COL4A2: variants seen among roughly 807,000 people sequenced by gnomAD.
COL4A2 encodes collagen alpha-2(IV) chain.
Under a neutral mutation model 200.2 loss-of-function variants are expected in COL4A2, and 99 were observed. That is an observed-to-expected ratio of 0.49 (90% CI 0.42 to 0.58). The LOEUF is 0.58. Ranked by LOEUF, COL4A2 falls within the 20% of genes least tolerant of loss-of-function variation. The pLI is 0.00. For missense variants in COL4A2, 1,950 were observed against 2,314.1 expected (o/e 0.84, Z 3.23); for synonymous variants, 897 against 900.6 (o/e 1.00, Z 0.07).
At chr13:110,506,631 G>T (rs377495211) in intron 46 of COL4A2, 25 bp downstream of exon 46, 1 of 1,579,992 alleles carries the variant, frequency 6.3e-7, no homozygotes, top group South Asian at 1.2e-5. Context: ...CCCGGCCCCC[G>T]TTGCCTGCTC....
chr13:110,316,743 G>T lies in COL4A2; in HGVS notation c.99+8620G>T, dbSNP rs891566864. Among the ~76,000 whole-genome samples, 4 of 152,162 alleles carry T rather than the reference G, an allele frequency of 2.6e-5. No homozygotes were observed. The East Asian group carries it at 7.7e-4, about 29-fold the overall frequency. On this transcript the variant is annotated intron_variant, in intron 3 of 47. Coordinates refer to ENST00000360467, the MANE Select transcript of COL4A2 (RefSeq NM_001846.4). Reference sequence around the variant, plus strand: ...CTGAGGCATGTGCAGGAAGGCACCTGGTAGGTCAATAGGAACAAAGTGGGG... The same window carrying T: ...CTGAGGCATGTGCAGGAAGGCACCTTGTAGGTCAATAGGAACAAAGTGGGG...
intron 3 of COL4A2, among the ~76,000 whole-genome samples, chr13:110,338,053 C>T (rs1294340852): frequency 2.6e-5 from 4 of 152,226 alleles, no homozygotes; most frequent in African/African-American, 4.8e-5. Context: ...TTTATGCCAC[C>T]GTGATAGGAA....
chr13:110,400,629 G>A (rs558641382), intron 4 of COL4A2, among the ~76,000 whole-genome samples: 17 of 152,158 alleles, frequency 1.1e-4, no homozygotes, highest in Admixed American at 9.8e-4. Context: ...TTTCCAAAAG[G>A]GGGAAAAATA....
intron 4 of COL4A2, among the ~76,000 whole-genome samples, chr13:110,381,426 A>C (rs1878488634): frequency 6.6e-6 from 1 of 152,230 alleles, no homozygotes; most frequent in Non-Finnish European, 1.5e-5. Context: ...ATTCTTTAAA[A>C]ATCTAAAATA....
At chr13:110,482,720 T>A in intron 32 of COL4A2, 61 bp downstream of exon 32, 2 of 1,549,302 alleles carry the variant, frequency 1.3e-6, no homozygotes, top group Non-Finnish European at 1.8e-6. Flanking sequence ...TTACCCTTTC[T>A]TGGTGGCATA....
chr13:110,431,557 C>T (rs914191389), intron 10 of COL4A2, among the ~76,000 whole-genome samples: 10 of 152,168 alleles, frequency 6.6e-5, no homozygotes, highest in African/African-American at 1.7e-4. Flanking sequence ...CAGGGTCATA[C>T]GAGGCGCTGT....
At chr13:110,449,858 G>T in intron 19 of COL4A2, 69 bp downstream of exon 19, 1 of 1,468,604 alleles carries the variant, frequency 6.8e-7, no homozygotes, top group Middle Eastern at 2.4e-4. Flanking sequence ...GCACACACAA[G>T]GGAGACTTCG....
intron 3 of COL4A2, among the ~76,000 whole-genome samples, chr13:110,322,382 G>T (rs1319043502): frequency 6.6e-6 from 1 of 152,234 alleles, no homozygotes; most frequent in Non-Finnish European, 1.5e-5. Context: ...GAGGGAACCG[G>T]GTGTCTGGGT....
chr13:110,351,631 A>G (rs1329015949), intron 3 of COL4A2, among the ~76,000 whole-genome samples: 2 of 152,228 alleles, frequency 1.3e-5, no homozygotes, highest in Non-Finnish European at 2.9e-5. Flanking sequence ...AGAGCTTACA[A>G]TAATCAGACT....
chr13:110,425,455 A>G (rs767129758), intron 6 of COL4A2, among the ~76,000 whole-genome samples: 2 of 152,200 alleles, frequency 1.3e-5, no homozygotes, highest in Non-Finnish European at 2.9e-5. Flanking sequence ...TCATGAGAAA[A>G]ATCTCAAAAT....
At chr13:110,434,534 A>C in intron 12 of COL4A2, 92 bp downstream of exon 12, 1 of 1,353,774 alleles carries the variant, frequency 7.4e-7, no homozygotes, top group Non-Finnish European at 1.0e-6. Context: ...GTGCTGTAAA[A>C]CTTTTACCTT....
At chr13:110,505,751 C>T (rs1469113232) in intron 45 of COL4A2, among the ~76,000 whole-genome samples, 2 of 152,204 alleles carry the variant, frequency 1.3e-5, no homozygotes, top group African/African-American at 4.8e-5. Context: ...AGTGCGCAGT[C>T]AGCATGGCCT....
chr13:110,327,318 C>T (rs1184798896), intron 3 of COL4A2, among the ~76,000 whole-genome samples: 2 of 152,210 alleles, frequency 1.3e-5, no homozygotes, highest in Non-Finnish European at 2.9e-5. Context: ...GGGTCCTCAC[C>T]AACCCCCAAG....
intron 4 of COL4A2, among the ~76,000 whole-genome samples, chr13:110,413,834 A>G (rs1388230606): frequency 6.6e-6 from 1 of 152,220 alleles, no homozygotes; most frequent in Non-Finnish European, 1.5e-5. Flanking sequence ...GACCCTCAGC[A>G]TGTGGGACCC....
At chr13:110,506,099 C>T (rs1002714644) in intron 45 of COL4A2, among the ~76,000 whole-genome samples, 4 of 152,150 alleles carry the variant, frequency 2.6e-5, no homozygotes, top group Admixed American at 6.5e-5. Context: ...TCCTGGGTCC[C>T]GAGGTTTCTG....
intron 20 of COL4A2, among the ~76,000 whole-genome samples, chr13:110,451,313 A>G (rs745934608): frequency 4.2e-4 from 64 of 152,260 alleles, no homozygotes; most frequent in Admixed American, 7.2e-4. Flanking sequence ...GACGGCTTCA[A>G]ATACAGCCCA....
At position 110,436,331 on chromosome 13, in the gene COL4A2, G is replaced by T. The variant is rs778452032; in HGVS notation, c.789G>T (p.Ala263=). The T allele has an allele frequency of 6.2e-7, 1 of 1,613,680 alleles. No individual in the cohort carries two copies. Among genetic ancestry groups the T allele is most frequent in the Non-Finnish European group, 8.5e-7 (1 of 1,179,958 alleles). ...IPSDTLHPII[A]PTGVTFHPDQ... ...CAGACACCCTCCACCCCATCATCGC[G>T]CCCACAGGAGTCACCTTCCACCCAG... The change falls in exon 13 of 48, where the codon GCG becomes GCT. Residue 263 remains alanine (A), a synonymous_variant. Coordinates refer to ENST00000360467, the MANE Select transcript of COL4A2 (RefSeq NM_001846.4).
At chr13:110,367,084 T>A (rs928731962) in intron 4 of COL4A2, among the ~76,000 whole-genome samples, 1 of 152,164 alleles carries the variant, frequency 6.6e-6, no homozygotes, top group Non-Finnish European at 1.5e-5. Flanking sequence ...TCTAGGAGAA[T>A]GGCAGCAGCC....
chr13:110,480,270 G>T lies in COL4A2; in HGVS notation c.2638G>T (p.Val880Leu). Residue 880 changes from valine (V) to leucine (L), a missense_variant, in exon 31 of 48, where the codon GTG becomes TTG. Coordinates refer to ENST00000360467, the MANE Select transcript of COL4A2 (RefSeq NM_001846.4). Reference protein sequence around the residue: ...DPGDTGAPGPVGMKGLSGDRG... With the variant: ...DPGDTGAPGPLGMKGLSGDRG... ...TGGGGACACAGGCGCTCCTGGCCCT[G>T]TGGGCATGAAAGGTCTCTCTGGTGA... The T allele has an allele frequency of 6.2e-7, 1 of 1,613,756 alleles. No individual in the cohort carries two copies. The highest frequency in any genetic ancestry group is 8.5e-7 in the Non-Finnish European group (1 of 1,179,796).
Sources: allele counts gnomAD v4.1 joint callset (sites outside exome capture counted in the v4.1 genomes callset), GRCh38; gene constraint gnomAD v4.1.1; transcripts MANE v1.5; gene names NCBI Gene and HGNC (gene_info 2026-07-23, HGNC 2026-07-21).